The following MRC2 variants were observed in gnomAD, a reference collection of about 807,000 sequenced individuals.
MRC2 encodes the protein mannose receptor C-type 2.
Under a neutral mutation model 206.2 loss-of-function variants are expected in MRC2, and 84 were observed. That is an observed-to-expected ratio of 0.41 (90% CI 0.34 to 0.49). MRC2 has a LOEUF of 0.49. Among genes scored for constraint, MRC2 ranks in the 20% least tolerant of loss-of-function variants. The pLI is 0.31. For missense variants in MRC2, 1,676 were observed against 2,001.5 expected, an observed-to-expected ratio of 0.84 and a Z score of 3.10; for synonymous variants, 798 against 800.0, an observed-to-expected ratio of 1.00 and a Z score of 0.04.
intron 1 of MRC2, among the ~76,000 whole-genome samples, chr17:62,637,210 A>G (rs570009359): frequency 2.3e-4 from 35 of 152,182 alleles, no homozygotes; most frequent in African/African-American, 6.5e-4. Context: ...AAATACAAAA[A>G]TACAAAATAG....
intron 1 of MRC2, among the ~76,000 whole-genome samples, chr17:62,628,122 G>A (rs2084184648): frequency 6.6e-6 from 1 of 152,058 alleles, no homozygotes; most frequent in African/African-American, 2.4e-5. Flanking sequence ...GCCTAGAGGT[G>A]GGGGAGGACC....
At chr17:62,682,499 A>AC in intron 20 of MRC2, 122 bp downstream of exon 20, 1 of 1,178,088 alleles carries the variant, frequency 8.5e-7, no homozygotes, top group East Asian at 2.8e-5. Flanking sequence ...GCCTGTACCC[A>AC]CCAACTTCTC....
rs747486959 is a variant in MRC2 at position 62,664,642 on chromosome 17, C to A, written c.213C>A (p.Ser71Arg). ...GAGTCACCCCGGCTTGCAATACCAG[C>A]CTCCCTGCCCAGCGCTGGAAGTGGG... is the stretch of plus-strand genomic sequence containing the variant. Reference protein sequence around the residue: ...QVRVTPACNTSLPAQRWKWVS... With the variant: ...QVRVTPACNTRLPAQRWKWVS... Residue 71 changes from serine to arginine, a missense_variant, in exon 2 of 30, where the codon AGC (serine) becomes AGA (arginine). Transcript: ENST00000303375. This position sits in a 1 kb window ranked among gnomAD's most constrained non-coding sequence, Gnocchi z 4.7. The A allele has an allele frequency of 1.3e-5, 21 of 1,613,656 alleles. No homozygotes were observed. In the African/African-American group the frequency reaches 1.5e-4, roughly 11 times the overall value.
rs761018439 is a variant in MRC2 at position 62,689,651 on chromosome 17, G to A, written c.3464G>A (p.Ser1155Asn). Residue 1155 changes from serine to asparagine, a missense_variant, in exon 24 of 30, where the codon AGC becomes AAC. Around this residue, in one of 3 missense-constraint regions of MRC2, gnomAD observed 1,354 missense variants for 1,636.6 expected, o/e 0.83. Transcript: ENST00000303375. The part of the protein sequence containing the change: ...RWHDALLLCE[S>N]RNASLAYVPD... ...CACGATGCCCTCCTGCTGTGTGAGA[G>A]CCGCAATGCCAGCCTGGCCTACGTG... 3.8e-6 allele frequency: 6 copies of A among 1,598,974 alleles called. No individual in the cohort carries two copies. Among genetic ancestry groups the A allele is most frequent in the Non-Finnish European group, 4.3e-6 (5 of 1,173,028 alleles).
rs75036703 is a variant in MRC2, at chr17:62,670,142, C to T, written c.1118-1507C>T. 2.8e-4 allele frequency among the ~76,000 whole-genome samples: 43 copies of T among 152,348 alleles called. No individual in the cohort carries two copies. In the East Asian group the frequency reaches 4.8e-3, roughly 17 times the overall value. On this transcript the variant is annotated intron_variant, in intron 6 of 29. Coordinates refer to ENST00000303375, the MANE Select transcript of MRC2 (RefSeq NM_006039.5). ...GGCCTCGGATTTCCGCCCCTCTGCCCAGCCCATATCTCTCTGCACGAGGCA... is the reference window on the plus strand; with the variant it reads ...GGCCTCGGATTTCCGCCCCTCTGCCTAGCCCATATCTCTCTGCACGAGGCA...
Position 62,667,672 on chromosome 17 carries a change from A to C in MRC2, c.1117+139A>C. On this transcript the variant is annotated intron_variant, in intron 6 of 29. Transcript: ENST00000303375. This position sits in a 1 kb window ranked among gnomAD's most constrained non-coding sequence, Gnocchi z 4.1. Reference sequence around the variant, plus strand: ...CTCTGGATCCTCTGACTCTTATTTCATTGTTCAGTTAAAGTCTGAGCAAAT... The same window carrying C: ...CTCTGGATCCTCTGACTCTTATTTCCTTGTTCAGTTAAAGTCTGAGCAAAT... The C allele has an allele frequency of 2.9e-5, 27 of 947,004 alleles. No homozygotes were observed. The highest frequency in any genetic ancestry group is 3.6e-5 in the Non-Finnish European group (24 of 674,638). The allele number at this position is 947,004 out of a possible 1,614,324, so 58.7% of individuals were successfully genotyped here.
chr17:62,688,257 C>G, intron 20 of MRC2, 32 bp from the exon 21 acceptor site: 1 of 1,584,708 alleles, frequency 6.3e-7, no homozygotes, highest in Non-Finnish European at 8.7e-7. Context: ...GGTGGTGGGG[C>G]TGGCCATTAC....
chr17:62,679,709 G>T lies in MRC2; in HGVS notation c.2196-91G>T. 2.4e-6 allele frequency: 3 copies of T among 1,251,346 alleles called. 1 individual carries two copies. The South Asian group carries it at 4.2e-5, about 18-fold the overall frequency. The allele number at this position is 1,251,346 out of a possible 1,614,324, so 77.5% of individuals were successfully genotyped here. On this transcript the variant is annotated intron_variant, in intron 13 of 29. Coordinates refer to ENST00000303375, the MANE Select transcript of MRC2 (RefSeq NM_006039.5). The stretch of plus-strand genomic sequence containing the variant: ...GGCCCCAGGCCCTGGGGGCTGCCCC[G>T]GTCACAGCTGCAAGGGACAGGGGGC...
chr17:62,649,818 G>A (rs948012838), intron 1 of MRC2, among the ~76,000 whole-genome samples: 10 of 149,860 alleles, frequency 6.7e-5, no homozygotes, highest in African/African-American at 2.0e-4. Context: ...GACCCCCCCC[G>A]CCCCACCGAT....
At chr17:62,656,289 C>T (rs532886482) in intron 1 of MRC2, among the ~76,000 whole-genome samples, 1 of 152,306 alleles carries the variant, frequency 6.6e-6, no homozygotes, top group African/African-American at 2.4e-5. Context: ...TCGTGATTCA[C>T]CCGCCTCGGC....
chr17:62,680,980 GGGGGC>G lies in MRC2; in HGVS notation c.2634+21_2634+25del, dbSNP rs1158136289. 1 of 1,612,048 alleles carries G rather than the reference GGGGGC, an allele frequency of 6.2e-7. No individual in the cohort carries two copies. The highest frequency in any genetic ancestry group is 1.1e-5 in the South Asian group (1 of 91,018). On this transcript the variant is annotated intron_variant, in intron 17 of 29. Coordinates refer to ENST00000303375, the MANE Select transcript of MRC2 (RefSeq NM_006039.5). This position sits in a 1 kb window ranked among gnomAD's most constrained non-coding sequence, Gnocchi z 4.8. ...CAGAAGGTGGGCATTGGATTGAGCA[GGGGGC>G]TGCAGGCTGGGGGAGGGCAGGCCCG...
chr17:62,661,528 CTCTTTCTTTT>C (rs978057901), intron 1 of MRC2: 4 of 139,790 alleles, frequency 2.9e-5, no homozygotes, highest in African/African-American at 8.6e-5. Flanking sequence ...TTCTTTCTTT[CTCTTTCTTTT>C]TCTTTCTTTC....
chr17:62,636,937 C>T lies in MRC2; in HGVS notation c.118+9017C>T, dbSNP rs558240422. ...GACACTTTTGAAAACTCTCTTCCCC[C>T]GGCCTTTGTGGTGTAATTTACATCC... is the stretch of plus-strand genomic sequence containing the variant. On this transcript the variant is annotated intron_variant, in intron 1 of 29. Transcript: ENST00000303375. Among the ~76,000 whole-genome samples the T allele has an allele frequency of 1.2e-4, 19 of 152,320 alleles. No individual in the cohort carries two copies. The South Asian group carries it at 3.3e-3, about 27-fold the overall frequency.
At chr17:62,640,628 C>T (rs1047948725) in intron 1 of MRC2, among the ~76,000 whole-genome samples, 8 of 152,130 alleles carry the variant, frequency 5.3e-5, no homozygotes, top group African/African-American at 2.4e-5. Context: ...ATCTTCCCCC[C>T]TCAGCCTCCG....
Position 62,666,105 on chromosome 17 carries a change from A to T in MRC2, c.532A>T (p.Ile178Phe). 4 of 1,590,812 alleles carry T rather than the reference A, an allele frequency of 2.5e-6. No individual in the cohort carries two copies. Among genetic ancestry groups the T allele is most frequent in the Non-Finnish European group, 3.4e-6 (4 of 1,168,042 alleles). ...CALPYHEVYTIQGNSHGKPCT... is the reference protein window; with the variant it reads ...CALPYHEVYTFQGNSHGKPCT... ...TCCACCCCCTGCAGAGGTCTACACC[A>T]TCCAGGGAAACTCCCACGGAAAGCC... The change falls in exon 3 of 30, where the codon ATC becomes TTC. Residue 178 changes from isoleucine to phenylalanine, a missense_variant. By Grantham distance (21) the Ile-to-Phe change is conservative. Around this residue, in one of 3 missense-constraint regions of MRC2, gnomAD observed 318 missense variants for 346.7 expected, o/e 0.92. Coordinates refer to ENST00000303375, the MANE Select transcript of MRC2 (RefSeq NM_006039.5). This position sits in a 1 kb window ranked among gnomAD's most constrained non-coding sequence, Gnocchi z 5.0.
intron 1 of MRC2, among the ~76,000 whole-genome samples, chr17:62,657,574 G>A (rs2088632696): frequency 1.3e-5 from 2 of 151,944 alleles, no homozygotes; most frequent in Admixed American, 6.6e-5. Context: ...TGCACCTTCT[G>A]TGGGGGGCAC....
chr17:62,673,582 C>T (rs1394733007), intron 8 of MRC2, among the ~76,000 whole-genome samples: 2 of 149,790 alleles, frequency 1.3e-5, no homozygotes, highest in African/African-American at 4.9e-5. Context: ...GATCTTGGCT[C>T]ACTGGAACCT....
Position 62,671,706 on chromosome 17 carries a change from A to G in MRC2, c.1175A>G (p.His392Arg), listed in dbSNP as rs567791093. ...CCGAGCTGGCAGCCCTTCCAGGGCC[A>G]CTGCTACCGCCTGCAGGCCGAGAAG... is the stretch of plus-strand genomic sequence containing the variant. ...CEPSWQPFQG[H>R]CYRLQAEKRS... Residue 392 changes from histidine (H) to arginine (R), a missense_variant, in exon 7 of 30, where the codon CAC becomes CGC. His to Arg is a conservative substitution (Grantham distance 29). This residue lies in a region of MRC2 where 1,354 missense variants were observed against 1,636.6 expected (regional missense o/e 0.83). Transcript: ENST00000303375. The surrounding 1 kb of genome is among the most constrained non-coding windows in gnomAD (Gnocchi z 4.5). 5 of 1,611,370 alleles carry G rather than the reference A, an allele frequency of 3.1e-6. No homozygotes were observed. The highest frequency in any genetic ancestry group is 4.2e-6 in the Non-Finnish European group (5 of 1,178,716).
Position 62,664,917 on chromosome 17 carries a change from G to C in MRC2, c.488G>C (p.Ser163Thr). The C allele has an allele frequency of 4.3e-6, 7 of 1,611,800 alleles. No homozygotes were observed. Among genetic ancestry groups the C allele is most frequent in the Non-Finnish European group, 5.9e-6 (7 of 1,179,810 alleles). The change falls in exon 2 of 30, where the codon AGC becomes ACC. Residue 163 changes from serine to threonine, a missense_variant. This residue lies in a region of MRC2 where 318 missense variants were observed against 346.7 expected (regional missense o/e 0.92). Transcript: ENST00000303375. The surrounding 1 kb of genome is among the most constrained non-coding windows in gnomAD (Gnocchi z 4.7). ...TRSGQWRIYG[S>T]EEDLCALPYH... ...AGTGGCCAGTGGCGCATCTACGGCA[G>C]CGAGGAGGACCTATGTGCTCTGCCC...
Sources: gnomAD v4.1 joint callset for allele counts (sites outside exome capture counted in the v4.1 genomes callset) on GRCh38, gnomAD v4.1.1 for gene constraint, gnomAD v4.1.1 regional missense constraint, Gnocchi (gnomAD v3.1) non-coding constraint, MANE v1.5 for transcripts, NCBI Gene and HGNC (gene_info 2026-07-23, HGNC 2026-07-21) for gene names.